The following ASCC3 variants were observed in gnomAD, a reference collection of about 807,000 sequenced individuals.
ASCC3 encodes activating signal cointegrator 1 complex subunit 3, also known as ASC-1 complex subunit P200.
A neutral mutation model predicts 256.3 loss-of-function variants in ASCC3; 158 were observed. The observed-to-expected ratio is 0.62, with a 90% confidence interval of 0.54 to 0.70. The LOEUF is 0.70. Among genes scored for constraint, ASCC3 ranks in the 30% least tolerant of loss-of-function variants. The pLI is 0.00. For missense variants in ASCC3, 2,259 were observed against 2,626.0 expected, an observed-to-expected ratio of 0.86 and a Z score of 3.05; for synonymous variants, 948 against 883.4, an observed-to-expected ratio of 1.07 and a Z score of -1.30.
chr6:100,633,633 A>T (rs1266178346), intron 25 of ASCC3, among the ~76,000 whole-genome samples: 2 of 151,892 alleles, frequency 1.3e-5, no homozygotes, highest in Non-Finnish European at 1.5e-5. Flanking sequence ...TGGGAGGCGA[A>T]GGTGGGCGGA....
intron 4 of ASCC3, among the ~76,000 whole-genome samples, chr6:100,829,605 G>A (rs1259485337): frequency 6.6e-6 from 1 of 152,156 alleles, no homozygotes; most frequent in Non-Finnish European, 1.5e-5. Flanking sequence ...GAGGGAGCCG[G>A]CTCCGGCCTT....
At chr6:100,752,592 T>C (rs1780988761) in intron 10 of ASCC3, among the ~76,000 whole-genome samples, 1 of 152,142 alleles carries the variant, frequency 6.6e-6, no homozygotes, top group African/African-American at 2.4e-5. Flanking sequence ...CAAAACTGCC[T>C]GCTAGGAAAG....
At chr6:100,535,943 G>A (rs971751861) in intron 37 of ASCC3, among the ~76,000 whole-genome samples, 2 of 152,050 alleles carry the variant, frequency 1.3e-5, no homozygotes, top group Non-Finnish European at 2.9e-5. Context: ...TTTTATATGA[G>A]GGAATATAGT....
At chr6:100,586,360 A>G (rs925400379) in intron 36 of ASCC3, among the ~76,000 whole-genome samples, 5 of 151,800 alleles carry the variant, frequency 3.3e-5, no homozygotes, top group Non-Finnish European at 7.4e-5. Context: ...AATCAGTGAG[A>G]CTCCGTGGGC....
intron 11 of ASCC3, among the ~76,000 whole-genome samples, chr6:100,718,472 A>G (rs1779184103): frequency 6.6e-6 from 1 of 152,000 alleles, no homozygotes; most frequent in South Asian, 2.1e-4. Flanking sequence ...AAAAATACAC[A>G]TGAGGGGTGA....
At chr6:100,655,929 T>C in intron 16 of ASCC3, 111 bp from the exon 17 acceptor site, 1 of 1,299,854 alleles carries the variant, frequency 7.7e-7, no homozygotes, top group Non-Finnish European at 1.1e-6. Flanking sequence ...TTATGCAGTA[T>C]TTTTAAAAAG....
chr6:100,876,432 TAGGAACAA>T (rs1774006430), intron 1 of ASCC3, among the ~76,000 whole-genome samples: 1 of 152,162 alleles, frequency 6.6e-6, no homozygotes, highest in African/African-American at 2.4e-5. Context: ...TAATCTGGCA[TAGGAACAA>T]AGGTTGGTGT....
intron 14 of ASCC3, among the ~76,000 whole-genome samples, chr6:100,677,674 C>T (rs1016566687): frequency 1.3e-5 from 2 of 151,550 alleles, no homozygotes; most frequent in African/African-American, 4.9e-5. Flanking sequence ...TACCTACTAT[C>T]AGACAAATAC....
At chr6:100,657,719 T>C (rs1327880786) in intron 16 of ASCC3, among the ~76,000 whole-genome samples, 1 of 151,348 alleles carries the variant, frequency 6.6e-6, no homozygotes, top group Non-Finnish European at 1.5e-5. Flanking sequence ...ACCAGTGATA[T>C]GATTAAAGAA....
intron 13 of ASCC3, among the ~76,000 whole-genome samples, chr6:100,707,154 T>G (rs1210493670): frequency 2.0e-5 from 3 of 152,120 alleles, no homozygotes; most frequent in African/African-American, 7.2e-5. Context: ...TACTGAGAAC[T>G]AAATCAACAG....
chr6:100,793,985 T>C (rs74444286), intron 8 of ASCC3, among the ~76,000 whole-genome samples: 2,181 of 152,138 alleles, frequency 0.014, 46 homozygotes, highest in African/African-American at 0.05. Flanking sequence ...TCTAAATTCT[T>C]CTCTCTGCCT....
intron 4 of ASCC3, among the ~76,000 whole-genome samples, chr6:100,810,073 C>G (rs887622524): frequency 6.6e-6 from 1 of 152,080 alleles, no homozygotes; most frequent in African/African-American, 2.4e-5. Context: ...CTAAGTACGC[C>G]CACATGATTG....
At position 100,577,206 on chromosome 6, in the gene ASCC3, T is replaced by G. The variant is rs368851143; in HGVS notation, c.5550+12428A>C. Among the ~76,000 whole-genome samples, 14 of 152,158 alleles carry G rather than the reference T, an allele frequency of 9.2e-5. No individual in the cohort carries two copies. In the South Asian group the frequency reaches 2.9e-3, roughly 32 times the overall value. ...ACAATTCCATTTTCTATTTTAGTTC[T>G]TTAGTAACTTTTAATAAATTTATCC... is the stretch of plus-strand genomic sequence containing the variant. On this transcript the variant is annotated intron_variant, in intron 36 of 41. Transcript: ENST00000369162.
intron 36 of ASCC3, among the ~76,000 whole-genome samples, chr6:100,548,795 A>G (rs1452295473): frequency 1.3e-5 from 2 of 151,940 alleles, no homozygotes; most frequent in Non-Finnish European, 2.9e-5. Flanking sequence ...TAGGAATAGT[A>G]TACAGTAGTT....
chr6:100,853,931 T>A (rs1772814624), intron 3 of ASCC3, among the ~76,000 whole-genome samples: 1 of 152,174 alleles, frequency 6.6e-6, no homozygotes, highest in African/African-American at 2.4e-5. Flanking sequence ...GTACATTATT[T>A]AACAAAATAC....
chr6:100,777,886 T>A (rs963065519), intron 8 of ASCC3, among the ~76,000 whole-genome samples: 3 of 152,098 alleles, frequency 2.0e-5, no homozygotes, highest in African/African-American at 4.8e-5. Context: ...AGTAGAAGAA[T>A]AATATAATAT....
Position 100,638,589 on chromosome 6 carries a change from C to A in ASCC3, c.4122+12G>T. The A allele has an allele frequency of 1.3e-6, 2 of 1,583,302 alleles. No homozygotes were observed. The highest frequency in any genetic ancestry group is 1.7e-6 in the Non-Finnish European group (2 of 1,153,100). On this transcript the variant is annotated intron_variant, in intron 25 of 41. Coordinates refer to ENST00000369162, the MANE Select transcript of ASCC3 (RefSeq NM_006828.4). ...TTTCTAATTAAATGTAAGTATGATT[C>A]TTTCAACAGACCTTTGAAGTAGGGT... is the stretch of plus-strand genomic sequence containing the variant.
At chr6:100,534,105 G>A (rs1775050303) in intron 37 of ASCC3, among the ~76,000 whole-genome samples, 2 of 152,134 alleles carry the variant, frequency 1.3e-5, no homozygotes, top group East Asian at 1.9e-4. Flanking sequence ...TTAGCCAGGC[G>A]TGGTGGCTTG....
chr6:100,552,454 T>C (rs952006830), intron 36 of ASCC3, among the ~76,000 whole-genome samples: 1 of 152,004 alleles, frequency 6.6e-6, no homozygotes, highest in Non-Finnish European at 1.5e-5. Context: ...TATTGGTTCT[T>C]TGAAAGACCA....
Sources: gnomAD v4.1 joint callset for allele counts (sites outside exome capture counted in the v4.1 genomes callset) on GRCh38, gnomAD v4.1.1 for gene constraint, MANE v1.5 for transcripts, NCBI Gene and HGNC (gene_info 2026-07-23, HGNC 2026-07-21) for gene names.